PARD3: variants seen among roughly 807,000 people sequenced by gnomAD.
PARD3 encodes the protein partitioning defective 3 homolog.
In PARD3, 75 loss-of-function variants were observed where a neutral mutation model predicts 155.4. The ratio of observed to expected loss-of-function variants is 0.48; its 90% CI spans 0.40 to 0.58. The LOEUF (loss-of-function observed/expected upper bound fraction) is 0.58. PARD3 is among the 20% of genes least tolerant of loss of function. PARD3 has a pLI of 0.00. For missense variants in PARD3, 1,642 were observed against 1,721.7 expected (o/e 0.95, Z 0.82); for synonymous variants, 576 against 610.5 (o/e 0.94, Z 0.83).
At chr10:34,465,246 G>A (rs1201761520) in intron 4 of PARD3, among the ~76,000 whole-genome samples, 1 of 152,046 alleles carries the variant, frequency 6.6e-6, no homozygotes, top group African/African-American at 2.4e-5. Context: ...ACAGAAGCCT[G>A]ATGGCATTTC....
intron 22 of PARD3, among the ~76,000 whole-genome samples, chr10:34,160,866 C>T (rs1378230432): frequency 6.6e-6 from 1 of 152,054 alleles, no homozygotes; most frequent in Non-Finnish European, 1.5e-5. Flanking sequence ...GTTTATAGTA[C>T]CTAGGTCTGA....
At chr10:34,436,587 A>C (rs778557138) in intron 5 of PARD3, among the ~76,000 whole-genome samples, 216 of 144,220 alleles carry the variant, frequency 1.5e-3, no homozygotes, top group Non-Finnish European at 2.0e-3. Context: ...ATGTGTAAAC[A>C]TACAATTTCA....
At chr10:34,470,940 A>G (rs1438179520) in intron 3 of PARD3, among the ~76,000 whole-genome samples, 1 of 152,206 alleles carries the variant, frequency 6.6e-6, no homozygotes, top group Non-Finnish European at 1.5e-5. Flanking sequence ...CCTAGATTTG[A>G]CCATAACACA....
intron 22 of PARD3, among the ~76,000 whole-genome samples, chr10:34,177,654 C>G (rs1220561920): frequency 6.6e-6 from 1 of 152,218 alleles, no homozygotes; most frequent in Admixed American, 6.5e-5. Flanking sequence ...GAACGCAAGA[C>G]TCGCCTCCCA....
intron 22 of PARD3, among the ~76,000 whole-genome samples, chr10:34,165,979 T>C (rs1048851187): frequency 1.3e-5 from 2 of 152,202 alleles, no homozygotes; most frequent in Non-Finnish European, 2.9e-5. Flanking sequence ...CCTTCCTCTA[T>C]TTCTATTATC....
intron 23 of PARD3, among the ~76,000 whole-genome samples, chr10:34,123,343 T>C (rs746519852): frequency 1.3e-5 from 2 of 152,334 alleles, no homozygotes; most frequent in South Asian, 2.1e-4. Flanking sequence ...TCATAGATTA[T>C]AAAGGGATAA....
rs374290812 is a variant in PARD3 at position 34,504,134 on chromosome 10, AT to A, written c.403+12844del. ...GCAGTATACACACTGGAGCCCCCAGATTTTTTTTTTTAAGAGATGGGGTCTC... is the reference window on the plus strand; with the variant it reads ...GCAGTATACACACTGGAGCCCCCAGATTTTTTTTTTAAGAGATGGGGTCTC... On this transcript the variant is annotated intron_variant, in intron 3 of 24. Coordinates refer to ENST00000374788, the MANE Select transcript of PARD3 (RefSeq NM_001184785.2). Among the ~76,000 whole-genome samples, 217 of 147,384 alleles carry A rather than the reference AT, an allele frequency of 1.5e-3. 1 individual carries two copies. The highest frequency in any genetic ancestry group is 3.5e-3 in the Middle Eastern group (1 of 282).
intron 22 of PARD3, among the ~76,000 whole-genome samples, chr10:34,138,403 C>T (rs1948011246): frequency 6.6e-6 from 1 of 152,178 alleles, no homozygotes; most frequent in Non-Finnish European, 1.5e-5. Context: ...AAACACCTCA[C>T]TAGGGCTCTG....
At chr10:34,203,158 T>C (rs1410914085) in intron 22 of PARD3, among the ~76,000 whole-genome samples, 1 of 152,174 alleles carries the variant, frequency 6.6e-6, no homozygotes, top group East Asian at 1.9e-4. Flanking sequence ...CACTTTGGAG[T>C]GTGGGTACAC....
At chr10:34,158,482 G>A (rs943892943) in intron 22 of PARD3, among the ~76,000 whole-genome samples, 6 of 152,174 alleles carry the variant, frequency 3.9e-5, no homozygotes, top group Non-Finnish European at 5.9e-5. Flanking sequence ...TAAGCAAGAC[G>A]CAGGGTGGAA....
At chr10:34,783,041 T>C (rs978364983) in intron 1 of PARD3, among the ~76,000 whole-genome samples, 2 of 152,148 alleles carry the variant, frequency 1.3e-5, no homozygotes, top group Non-Finnish European at 2.9e-5. Flanking sequence ...TTAAATCTTA[T>C]GTACTTTAAA....
At chr10:34,575,827 T>C (rs1346467703) in intron 2 of PARD3, among the ~76,000 whole-genome samples, 1 of 151,808 alleles carries the variant, frequency 6.6e-6, no homozygotes, top group Non-Finnish European at 1.5e-5. Flanking sequence ...ACCTGGAAGG[T>C]AGAGGTTGCA....
intron 1 of PARD3, among the ~76,000 whole-genome samples, chr10:34,809,656 G>A (rs569043531): frequency 4.5e-4 from 69 of 152,294 alleles, no homozygotes; most frequent in African/African-American, 1.4e-3. Context: ...AAGGCAAGAG[G>A]GGTCCCTACA....
At chr10:34,808,786 C>T (rs1387439486) in intron 1 of PARD3, among the ~76,000 whole-genome samples, 2 of 152,168 alleles carry the variant, frequency 1.3e-5, no homozygotes, top group East Asian at 3.9e-4. Flanking sequence ...TTTAAATATT[C>T]CCTCCACAAC....
At chr10:34,401,320 C>G (rs1843858885) in intron 6 of PARD3, among the ~76,000 whole-genome samples, 1 of 152,128 alleles carries the variant, frequency 6.6e-6, no homozygotes, top group Non-Finnish European at 1.5e-5. Context: ...TAACCTAGGA[C>G]CTCCCTTTTT....
chr10:34,781,663 G>A (rs540261187), intron 1 of PARD3, among the ~76,000 whole-genome samples: 1 of 152,208 alleles, frequency 6.6e-6, no homozygotes. Context: ...GGGCCTCTGG[G>A]AGGAAAAGTT....
At chr10:34,406,594 G>A (rs1844502922) in intron 5 of PARD3, among the ~76,000 whole-genome samples, 1 of 152,040 alleles carries the variant, frequency 6.6e-6, no homozygotes, top group Non-Finnish European at 1.5e-5. Flanking sequence ...GTCTTGCTAT[G>A]TTGCCCAGTT....
chr10:34,535,303 C>T (rs929193849), intron 2 of PARD3, among the ~76,000 whole-genome samples: 7 of 151,994 alleles, frequency 4.6e-5, no homozygotes, highest in South Asian at 2.1e-4. Context: ...AAGGGCTTAT[C>T]GCCATCAGAG....
chr10:34,173,777 C>T (rs188518584), intron 22 of PARD3, among the ~76,000 whole-genome samples: 43 of 152,326 alleles, frequency 2.8e-4, no homozygotes, highest in Middle Eastern at 3.4e-3. Flanking sequence ...ACACCTGCTA[C>T]TGAATAAGCC....
Sources: allele counts gnomAD v4.1 joint callset (sites outside exome capture counted in the v4.1 genomes callset), GRCh38; gene constraint gnomAD v4.1.1; transcripts MANE v1.5; gene names NCBI Gene and HGNC (gene_info 2026-07-23, HGNC 2026-07-21).